Variants in ELAVL1 observed in about 807,000 individuals in gnomAD.
ELAVL1 encodes ELAV-like protein 1.
In ELAVL1, 1 loss-of-function variant was observed where a neutral mutation model predicts 28.4. The ratio of observed to expected loss-of-function variants is 0.04; its 90% CI spans 0.01 to 0.17. ELAVL1 has a LOEUF of 0.17. Ranked by LOEUF, ELAVL1 falls within the 10% of genes least tolerant of loss-of-function variation. The pLI is 1.00. For synonymous variants in ELAVL1, 174 were observed against 183.5 expected (o/e 0.95, Z 0.42); for missense variants, 157 against 447.2 (o/e 0.35, Z 5.85).
In ELAVL1 at chr19:8,002,541, CA is replaced by C. The variant is rs2081071755; in HGVS notation, c.-17+2953del. On this transcript the variant is annotated intron_variant, in intron 1 of 5. Transcript: ENST00000407627. ...CCTGACCCACAGCTCGGGTCGGCCG[CA>C]CCGCCTCGCTACTGCCACCTAGGGG... is the stretch of plus-strand genomic sequence containing the variant. Among the ~76,000 whole-genome samples the C allele has an allele frequency of 4.6e-5, 7 of 152,360 alleles. No individual in the cohort carries two copies. In the South Asian group the frequency reaches 1.4e-3, roughly 32 times the overall value.
chr19:7,978,268 T>C (rs1441943149), intron 3 of ELAVL1, among the ~76,000 whole-genome samples: 2 of 152,202 alleles, frequency 1.3e-5, no homozygotes, highest in African/African-American at 2.4e-5. Flanking sequence ...TGGATCCCAC[T>C]TGAGTTTGTG....
chr19:7,988,207 G>T (rs930957800), intron 2 of ELAVL1, among the ~76,000 whole-genome samples: 1 of 152,194 alleles, frequency 6.6e-6, no homozygotes, highest in African/African-American at 2.4e-5. Context: ...CTAAGGTGGG[G>T]ACAACTGGAA....
At chr19:7,988,383 GGAA>G (rs1247895110) in intron 2 of ELAVL1, among the ~76,000 whole-genome samples, 1 of 152,158 alleles carries the variant, frequency 6.6e-6, no homozygotes, top group Non-Finnish European at 1.5e-5. Context: ...TGTCAGCTTT[GGAA>G]GAAGAGGAGA....
chr19:7,985,877 C>CT (rs1985588544), intron 2 of ELAVL1, among the ~76,000 whole-genome samples: 1 of 152,230 alleles, frequency 6.6e-6, no homozygotes, highest in South Asian at 2.1e-4. Context: ...AAGGCAGGGT[C>CT]TGAGAGTCAC....
intron 2 of ELAVL1, among the ~76,000 whole-genome samples, chr19:7,988,575 G>A (rs1044617214): frequency 1.3e-5 from 2 of 152,216 alleles, no homozygotes; most frequent in African/African-American, 4.8e-5. Flanking sequence ...CAGGGAACAG[G>A]ACAGTATGTG....
chr19:7,971,561 A>G (rs1235112742), intron 4 of ELAVL1, among the ~76,000 whole-genome samples: 2 of 152,268 alleles, frequency 1.3e-5, no homozygotes, highest in African/African-American at 2.4e-5. Context: ...CAGGGACCAC[A>G]GGAGACTCTT....
At chr19:8,001,539 T>C (rs1599681604) in intron 1 of ELAVL1, among the ~76,000 whole-genome samples, 1 of 152,184 alleles carries the variant, frequency 6.6e-6, no homozygotes, top group Non-Finnish European at 1.5e-5. Flanking sequence ...CCTGTTTCTG[T>C]TCATGGTGAC....
chr19:7,968,840 C>T (rs930522484), intron 4 of ELAVL1, among the ~76,000 whole-genome samples: 6 of 152,136 alleles, frequency 3.9e-5, no homozygotes, highest in African/African-American at 1.4e-4. Context: ...CCTTGAGGAA[C>T]CTGGGAAGCG....
intron 1 of ELAVL1, among the ~76,000 whole-genome samples, chr19:7,999,025 A>C (rs2081058484): frequency 6.6e-6 from 1 of 152,150 alleles, no homozygotes; most frequent in Non-Finnish European, 1.5e-5. Flanking sequence ...GGGCCTCCCA[A>C]AGTGCTGGGA....
chr19:7,983,197 T>A (rs80145028), intron 2 of ELAVL1, among the ~76,000 whole-genome samples: 4 of 152,140 alleles, frequency 2.6e-5, no homozygotes, highest in Admixed American at 2.0e-4. Flanking sequence ...ATAAAACTCC[T>A]CAGGGCTAAG....
At chr19:7,990,338 G>GT (rs752741632) in intron 2 of ELAVL1, among the ~76,000 whole-genome samples, 1,823 of 140,920 alleles carry the variant, frequency 0.013, 14 homozygotes, top group Middle Eastern at 0.036. Context: ...TTTTAAATTA[G>GT]TTTTTTTTTT....
At chr19:7,978,930 G>GTTGTGCAGATGGAT (rs1351780160) in intron 3 of ELAVL1, among the ~76,000 whole-genome samples, 1 of 152,208 alleles carries the variant, frequency 6.6e-6, no homozygotes, top group African/African-American at 2.4e-5. Flanking sequence ...ACTCCATCCA[G>GTTGTGCAGATGGAT]GCCCTTATCA....
At chr19:7,988,838 C>T (rs947182461) in intron 2 of ELAVL1, among the ~76,000 whole-genome samples, 1 of 152,164 alleles carries the variant, frequency 6.6e-6, no homozygotes, top group Admixed American at 6.5e-5. Flanking sequence ...GAATTCCTTT[C>T]AAGACACTCG....
intron 2 of ELAVL1, among the ~76,000 whole-genome samples, chr19:7,989,366 T>C (rs531277400): frequency 5.1e-4 from 77 of 152,330 alleles, no homozygotes; most frequent in African/African-American, 1.8e-3. Context: ...TACTAACTAC[T>C]GTCCAAAGAT....
intron 1 of ELAVL1, among the ~76,000 whole-genome samples, chr19:7,992,193 G>A (rs959255311): frequency 6.6e-5 from 10 of 152,172 alleles, no homozygotes; most frequent in Admixed American, 4.6e-4. Flanking sequence ...CACCTGCCTC[G>A]GCCTCCCAAA....
intron 2 of ELAVL1, among the ~76,000 whole-genome samples, chr19:7,988,806 G>C (rs1379379382): frequency 6.6e-6 from 1 of 152,228 alleles, no homozygotes; most frequent in Non-Finnish European, 1.5e-5. Context: ...CTCCGAGCTA[G>C]AGGAAGCTGG....
chr19:7,983,872 G>A (rs994877427), intron 2 of ELAVL1, among the ~76,000 whole-genome samples: 8 of 152,162 alleles, frequency 5.3e-5, no homozygotes, highest in South Asian at 2.1e-4. Flanking sequence ...CCTGGGGACC[G>A]TTTCAGGATG....
intron 1 of ELAVL1, among the ~76,000 whole-genome samples, chr19:7,995,915 A>G (rs1339251966): frequency 2.1e-5 from 3 of 145,562 alleles, no homozygotes; most frequent in African/African-American, 4.9e-5. Flanking sequence ...TAGTCAGAAC[A>G]CTTTTTTTTT....
At chr19:7,972,079 G>A (rs554055587) in intron 4 of ELAVL1, among the ~76,000 whole-genome samples, 4 of 152,306 alleles carry the variant, frequency 2.6e-5, no homozygotes, top group South Asian at 2.1e-4. Context: ...GCCAAGGTGC[G>A]GCACACACAG....
Sources: gnomAD v4.1 joint callset for allele counts (sites outside exome capture counted in the v4.1 genomes callset) on GRCh38, gnomAD v4.1.1 for gene constraint, MANE v1.5 for transcripts, NCBI Gene and HGNC (gene_info 2026-07-23, HGNC 2026-07-21) for gene names.